Variants in AKAP7 observed in about 807,000 individuals in gnomAD.
The protein encoded by AKAP7 is A kinase (PRKA) anchor protein 7.
A neutral mutation model predicts 39.5 loss-of-function variants in AKAP7; 39 were observed. The observed-to-expected ratio is 0.99, with a 90% CI of 0.76 to 1.29. AKAP7 has a LOEUF of 1.29. Ranked by LOEUF, AKAP7 falls within the 50% of genes most tolerant of loss-of-function variation. The pLI is 0.00. For synonymous variants in AKAP7, 140 were observed against 139.1 expected (o/e 1.01, Z -0.05); for missense variants, 414 against 407.7 (o/e 1.02, Z -0.13).
In AKAP7 at chr6:131,169,447, T is replaced by A. The variant is rs116017492; in HGVS notation, c.589+174T>A. ...AGGATTTCAGTGCTTATCATAACATTTGACATACAGTTGGCACTTGGTAGG... is the reference window on the plus strand; with the variant it reads ...AGGATTTCAGTGCTTATCATAACATATGACATACAGTTGGCACTTGGTAGG... On this transcript the variant is annotated intron_variant, in intron 5 of 7. Coordinates refer to ENST00000431975, the MANE Select transcript of AKAP7 (RefSeq NM_016377.4). Among the ~76,000 whole-genome samples, 770 of 152,334 alleles carry A rather than the reference T, an allele frequency of 5.1e-3. 7 individuals are homozygous for A. The highest frequency in any genetic ancestry group is 0.017 in the African/African-American group (727 of 41,568).
At chr6:131,220,782 A>T (rs1475579353) in intron 7 of AKAP7, among the ~76,000 whole-genome samples, 1 of 152,050 alleles carries the variant, frequency 6.6e-6, no homozygotes, top group Non-Finnish European at 1.5e-5. Flanking sequence ...TTTAGACTTC[A>T]TTATTATTAT....
At chr6:131,277,243 CTTTT>C (rs1305164783) in intron 7 of AKAP7, among the ~76,000 whole-genome samples, 1 of 152,116 alleles carries the variant, frequency 6.6e-6, no homozygotes, top group Admixed American at 6.5e-5. Context: ...TTTTTCATGA[CTTTT>C]CTTTTATATT....
chr6:131,153,659 T>C (rs1465583335), intron 2 of AKAP7, among the ~76,000 whole-genome samples: 1 of 152,160 alleles, frequency 6.6e-6, no homozygotes, highest in Admixed American at 6.5e-5. Context: ...GAAAACAACG[T>C]AGTGTCAGTG....
intron 7 of AKAP7, among the ~76,000 whole-genome samples, chr6:131,254,547 C>T (rs1812696354): frequency 6.6e-6 from 1 of 152,180 alleles, no homozygotes; most frequent in South Asian, 2.1e-4. Flanking sequence ...CTGATTTTCC[C>T]ATTTTGAAGT....
At chr6:131,217,600 G>A (rs888527593) in intron 6 of AKAP7, among the ~76,000 whole-genome samples, 1 of 152,090 alleles carries the variant, frequency 6.6e-6, no homozygotes, top group Non-Finnish European at 1.5e-5. Context: ...AATTAATTCT[G>A]TTTCACTTGC....
intron 3 of AKAP7, 119 bp downstream of exon 3, chr6:131,160,317 G>T: frequency 1.1e-6 from 1 of 947,362 alleles, no homozygotes; most frequent in Non-Finnish European, 1.6e-6. Context: ...CATTTTAGCA[G>T]GACTGTCCAG....
In AKAP7 at chr6:131,224,332, C is replaced by T. The variant is rs1042659665; in HGVS notation, c.850+4524C>T. 2.0e-5 allele frequency among the ~76,000 whole-genome samples: 3 copies of T among 152,100 alleles called. No homozygotes were observed. The East Asian group carries it at 5.8e-4, about 29-fold the overall frequency. On this transcript the variant is annotated intron_variant, in intron 7 of 7. Transcript: ENST00000431975. ...ATTTAATTGGCCTACCTTGGTTTGG[C>T]TTCTCTTTGATTTGATCCTAACTCA...
chr6:131,243,432 G>A (rs1262246584), intron 7 of AKAP7, among the ~76,000 whole-genome samples: 1 of 152,186 alleles, frequency 6.6e-6, no homozygotes, highest in African/African-American at 2.4e-5. Context: ...AGGCATGTCA[G>A]CCGGGGCTGT....
At chr6:131,132,800 T>G (rs1800355920), upstream of AKAP7, among the ~76,000 whole-genome samples, 1 of 152,216 alleles carries the variant, frequency 6.6e-6, no homozygotes, top group African/African-American at 2.4e-5. Context: ...AGTGATGATA[T>G]AGCTTTCACA....
intron 6 of AKAP7, among the ~76,000 whole-genome samples, chr6:131,218,216 T>G (rs1383411194): frequency 1.3e-5 from 2 of 152,146 alleles, no homozygotes; most frequent in Non-Finnish European, 2.9e-5. Flanking sequence ...TATTAAAAAT[T>G]AAGATCAACC....
At chr6:131,138,615 TATA>T (rs1045936206) in intron 1 of AKAP7, among the ~76,000 whole-genome samples, 3 of 152,228 alleles carry the variant, frequency 2.0e-5, no homozygotes, top group African/African-American at 7.2e-5. Context: ...ATAGTCAGTG[TATA>T]ATAAGGTGGC....
intron 5 of AKAP7, among the ~76,000 whole-genome samples, chr6:131,175,510 G>A (rs1804492574): frequency 1.3e-5 from 2 of 152,134 alleles, no homozygotes; most frequent in South Asian, 4.1e-4. Flanking sequence ...AATATTGGCA[G>A]GATAAAGAGT....
chr6:131,181,319 T>TGAGTAGG (rs1805213990), intron 5 of AKAP7, among the ~76,000 whole-genome samples: 1 of 152,218 alleles, frequency 6.6e-6, no homozygotes, highest in African/African-American at 2.4e-5. Flanking sequence ...GGTGTCATCC[T>TGAGTAGG]AAACCCCAGC....
chr6:131,280,380 G>C (rs958278288), intron 7 of AKAP7, among the ~76,000 whole-genome samples: 1 of 152,132 alleles, frequency 6.6e-6, no homozygotes, highest in Admixed American at 6.5e-5. Context: ...CATACAAGTA[G>C]GGGGCTCTGA....
At chr6:131,250,346 A>G (rs1415616139) in intron 7 of AKAP7, 7 of 1,361,156 alleles carry the variant, frequency 5.1e-6, no homozygotes, top group Non-Finnish European at 6.7e-6. Flanking sequence ...GAGCAGTTGC[A>G]TTAGGCTGGA....
At chr6:131,213,676 CTTT>C (rs1014988468) in intron 6 of AKAP7, among the ~76,000 whole-genome samples, 3 of 152,110 alleles carry the variant, frequency 2.0e-5, no homozygotes, top group Non-Finnish European at 2.9e-5. Context: ...TGAGCCCCTT[CTTT>C]GTTTCATTAT....
intron 7 of AKAP7, chr6:131,253,200 T>G: frequency 8.3e-7 from 1 of 1,200,136 alleles, no homozygotes; most frequent in Non-Finnish European, 1.2e-6. Flanking sequence ...TCTAATTTAA[T>G]TGATTTATTA....
At chr6:131,186,350 G>A (rs542123625) in intron 5 of AKAP7, among the ~76,000 whole-genome samples, 6 of 152,244 alleles carry the variant, frequency 3.9e-5, no homozygotes, top group Admixed American at 3.9e-4. Flanking sequence ...AGGAGATGCT[G>A]GCATTATGCT....
intron 5 of AKAP7, among the ~76,000 whole-genome samples, chr6:131,175,748 T>C (rs934664474): frequency 2.0e-5 from 3 of 152,176 alleles, no homozygotes; most frequent in Non-Finnish European, 4.4e-5. Flanking sequence ...ATGCGCTCTC[T>C]ATGCCTGGAG....
Sources: gnomAD v4.1 joint callset for allele counts (sites outside exome capture counted in the v4.1 genomes callset) on GRCh38, gnomAD v4.1.1 for gene constraint, MANE v1.5 for transcripts, NCBI Gene and HGNC (gene_info 2026-07-23, HGNC 2026-07-21) for gene names.